NR3C2: variants seen among roughly 807,000 people sequenced by gnomAD.
NR3C2 encodes the protein nuclear receptor subfamily 3 group C member 2, also known as mineralocorticoid receptor.
In NR3C2, 15 loss-of-function variants were observed where a neutral mutation model predicts 86.4. The observed-to-expected ratio is 0.17, with a 90% CI of 0.12 to 0.27. NR3C2 has a LOEUF of 0.27. Among genes scored for constraint, NR3C2 ranks in the 10% least tolerant of loss-of-function variants. NR3C2 has a pLI of 1.00. For synonymous variants in NR3C2, 458 were observed against 450.5 expected (o/e 1.02, Z -0.21); for missense variants, 960 against 1,195.6 (o/e 0.80, Z 2.91).
intron 3 of NR3C2, among the ~76,000 whole-genome samples, chr4:148,254,693 C>T (rs893461647): frequency 6.6e-6 from 1 of 152,120 alleles, no homozygotes; most frequent in Non-Finnish European, 1.5e-5. Flanking sequence ...AGTCAGGTTA[C>T]CTGGTTCCTA....
chr4:148,341,814 T>C (rs2149981935), intron 2 of NR3C2, among the ~76,000 whole-genome samples: 1 of 152,250 alleles, frequency 6.6e-6, no homozygotes, highest in Non-Finnish European at 1.5e-5. Flanking sequence ...ATTATATACA[T>C]ACAAACACCA....
At chr4:148,224,631 T>C (rs1489704594) in intron 3 of NR3C2, among the ~76,000 whole-genome samples, 1 of 152,158 alleles carries the variant, frequency 6.6e-6, no homozygotes, top group Non-Finnish European at 1.5e-5. Flanking sequence ...CAAGAAATAG[T>C]GTGGTGTGTG....
At chr4:148,196,323 T>C (rs1392646743) in intron 3 of NR3C2, among the ~76,000 whole-genome samples, 1 of 152,162 alleles carries the variant, frequency 6.6e-6, no homozygotes, top group African/African-American at 2.4e-5. Context: ...CATGGTAAGT[T>C]AGAGAAGCCT....
At chr4:148,388,104 T>C (rs1747359900) in intron 2 of NR3C2, among the ~76,000 whole-genome samples, 1 of 152,168 alleles carries the variant, frequency 6.6e-6, no homozygotes, top group Admixed American at 6.5e-5. Context: ...TGTTTGGAAA[T>C]TCTAATAAGT....
At chr4:148,274,144 T>C (rs1474956066) in intron 2 of NR3C2, among the ~76,000 whole-genome samples, 1 of 151,664 alleles carries the variant, frequency 6.6e-6, no homozygotes, top group Admixed American at 6.6e-5. Flanking sequence ...ATAATATCTT[T>C]GTAAAAATAA....
At chr4:148,093,383 T>C (rs1216566967) in intron 8 of NR3C2, among the ~76,000 whole-genome samples, 1 of 152,190 alleles carries the variant, frequency 6.6e-6, no homozygotes, top group African/African-American at 2.4e-5. Flanking sequence ...CTGCTGCTGT[T>C]CTGAGGTTAC....
intron 3 of NR3C2, among the ~76,000 whole-genome samples, chr4:148,227,737 C>T (rs1738248822): frequency 2.0e-5 from 3 of 151,768 alleles, no homozygotes; most frequent in African/African-American, 7.3e-5. Context: ...ATCTATTCAC[C>T]CTCATTTATT....
At chr4:148,314,521 T>C (rs892868425) in intron 2 of NR3C2, among the ~76,000 whole-genome samples, 1 of 152,194 alleles carries the variant, frequency 6.6e-6, no homozygotes, top group Non-Finnish European at 1.5e-5. Context: ...ATATATACAG[T>C]AATGAAAATT....
At chr4:148,297,261 A>G (rs1314675063) in intron 2 of NR3C2, among the ~76,000 whole-genome samples, 8 of 152,268 alleles carry the variant, frequency 5.3e-5, no homozygotes, top group African/African-American at 1.4e-4. Context: ...GTGAGAATGG[A>G]TCATAGTTGC....
chr4:148,402,408 G>A (rs1748215479), intron 2 of NR3C2, among the ~76,000 whole-genome samples: 1 of 152,168 alleles, frequency 6.6e-6, no homozygotes, highest in Non-Finnish European at 1.5e-5. Flanking sequence ...TGAAATATCT[G>A]ACCCAGATAT....
chr4:148,443,253 A>AAGAG (rs1298822694), upstream of NR3C2, among the ~76,000 whole-genome samples: 2 of 134,498 alleles, frequency 1.5e-5, no homozygotes, highest in Non-Finnish European at 3.2e-5. Flanking sequence ...AAAAAAAAAA[A>AAGAG]AGAGAGAGAG....
chr4:148,231,994 G>A (rs1270682216), intron 3 of NR3C2, among the ~76,000 whole-genome samples: 1 of 152,104 alleles, frequency 6.6e-6, no homozygotes, highest in East Asian at 1.9e-4. Flanking sequence ...TCTATTTCTA[G>A]TTCTCTTGCT....
chr4:148,202,616 T>C (rs926808947), intron 3 of NR3C2, among the ~76,000 whole-genome samples: 3 of 152,232 alleles, frequency 2.0e-5, no homozygotes, highest in African/African-American at 7.2e-5. Context: ...GTTTTATAAC[T>C]CAATTTGTTC....
rs951769073 is a variant in NR3C2, at chr4:148,195,271, T to C, written c.1898-409A>G. ...TACATGTGACTTCACTGGGATTTCA[T>C]AGTAATTTCACTTTCAAATTATACA... On this transcript the variant is annotated intron_variant, in intron 3 of 8. Transcript: ENST00000358102. Among the ~76,000 whole-genome samples, 11 of 152,348 alleles carry C rather than the reference T, an allele frequency of 7.2e-5. No individual in the cohort carries two copies. The East Asian group carries it at 1.5e-3, about 21-fold the overall frequency.
At chr4:148,111,939 A>C (rs1407483877) in intron 8 of NR3C2, among the ~76,000 whole-genome samples, 2 of 152,184 alleles carry the variant, frequency 1.3e-5, no homozygotes, top group Non-Finnish European at 1.5e-5. Flanking sequence ...AGAAGTCAAA[A>C]CTTATAAAAT....
chr4:148,320,993 C>T (rs1352387668), intron 2 of NR3C2, among the ~76,000 whole-genome samples: 23 of 149,918 alleles, frequency 1.5e-4, no homozygotes, highest in East Asian at 1.2e-3. Flanking sequence ...TGGATCTTTC[C>T]TGCTTTCTCT....
At chr4:148,138,544 T>A (rs930323970) in intron 6 of NR3C2, among the ~76,000 whole-genome samples, 1 of 151,990 alleles carries the variant, frequency 6.6e-6, no homozygotes, top group South Asian at 2.1e-4. Context: ...CCACCACACC[T>A]GGCTAATTTT....
chr4:148,378,421 G>A (rs947568303), intron 2 of NR3C2, among the ~76,000 whole-genome samples: 1 of 151,934 alleles, frequency 6.6e-6, no homozygotes, highest in African/African-American at 2.4e-5. Context: ...GAATTGGTTT[G>A]GATATGGGTT....
intron 2 of NR3C2, among the ~76,000 whole-genome samples, chr4:148,355,635 C>T (rs1172937812): frequency 2.6e-5 from 4 of 152,154 alleles, no homozygotes; most frequent in Admixed American, 2.0e-4. Flanking sequence ...GCTCTCATCC[C>T]CTACAGGAAG....
Sources: gnomAD v4.1 joint callset for allele counts (sites outside exome capture counted in the v4.1 genomes callset) on GRCh38, gnomAD v4.1.1 for gene constraint, MANE v1.5 for transcripts, NCBI Gene and HGNC (gene_info 2026-07-23, HGNC 2026-07-21) for gene names.